Variants in CACNA1E observed in about 807,000 individuals in gnomAD.
CACNA1E encodes voltage-dependent R-type calcium channel subunit alpha-1E.
CACNA1E carries 40 observed loss-of-function variants against 259.2 expected under a neutral mutation model. The ratio of observed to expected loss-of-function variants is 0.15; its 90% CI spans 0.12 to 0.20. The LOEUF is 0.20. Ranked by LOEUF, CACNA1E falls within the 10% of genes least tolerant of loss-of-function variation. The pLI is 1.00. For synonymous variants in CACNA1E, 1,104 were observed against 1,138.5 expected, an observed-to-expected ratio of 0.97 and a Z score of 0.61; for missense variants, 1,874 against 3,040.1, an observed-to-expected ratio of 0.62 and a Z score of 9.02.
upstream of CACNA1E, among the ~76,000 whole-genome samples, chr1:181,480,010 C>T (rs192119408): frequency 5.3e-5 from 8 of 152,128 alleles, no homozygotes; most frequent in Admixed American, 2.6e-4. Context: ...TAGCCACTGG[C>T]GGGGCGCAAT....
intron 6 of CACNA1E, among the ~76,000 whole-genome samples, chr1:181,594,997 G>A (rs531580824): frequency 1.9e-4 from 29 of 152,266 alleles, no homozygotes; most frequent in African/African-American, 6.7e-4. Context: ...TTTTAAACAT[G>A]TTTTGACAGA....
intron 4 of CACNA1E, among the ~76,000 whole-genome samples, 166 bp from the exon 5 acceptor site, chr1:181,578,906 G>C (rs1443545016): frequency 6.6e-6 from 1 of 152,238 alleles, no homozygotes; most frequent in Non-Finnish European, 1.5e-5. Flanking sequence ...CAGCCTAGCA[G>C]AGCTGGGCCT....
At chr1:181,349,620 CG>C (rs1652878077) in intron 1 of CACNA1E, among the ~76,000 whole-genome samples, 1 of 151,940 alleles carries the variant, frequency 6.6e-6, no homozygotes, top group Admixed American at 6.6e-5. Flanking sequence ...AAGCAAGAGG[CG>C]GGGCTGGGCC....
At chr1:181,436,077 C>T (rs1660066758) in intron 2 of CACNA1E, among the ~76,000 whole-genome samples, 1 of 152,164 alleles carries the variant, frequency 6.6e-6, no homozygotes, top group South Asian at 2.1e-4. Flanking sequence ...AGACATTTCT[C>T]AAAAGAAGAC....
chr1:181,365,168 T>C (rs1404738637), intron 1 of CACNA1E, among the ~76,000 whole-genome samples: 1 of 152,160 alleles, frequency 6.6e-6, no homozygotes, highest in Non-Finnish European at 1.5e-5. Context: ...CTAGCTTTTT[T>C]TTATTTTTTA....
intron 1 of CACNA1E, among the ~76,000 whole-genome samples, chr1:181,335,021 C>T (rs1460840526): frequency 6.6e-6 from 1 of 152,222 alleles, no homozygotes; most frequent in Admixed American, 6.5e-5. Flanking sequence ...CACACTTCGC[C>T]TCTGGCCCTG....
chr1:181,391,943 C>G (rs971741500), intron 1 of CACNA1E, among the ~76,000 whole-genome samples: 4,765 of 124,734 alleles, frequency 0.038, 87 homozygotes, highest in African/African-American at 0.053. Context: ...CTCTCTCTCT[C>G]TCTGTGTGTG....
At chr1:181,380,494 C>G (rs1655387034) in intron 1 of CACNA1E, among the ~76,000 whole-genome samples, 2 of 152,150 alleles carry the variant, frequency 1.3e-5, no homozygotes, top group Admixed American at 1.3e-4. Flanking sequence ...AAGAAAACTG[C>G]AAATCAACAT....
chr1:181,407,185 A>G (rs1450389921), intron 1 of CACNA1E, among the ~76,000 whole-genome samples: 1 of 152,164 alleles, frequency 6.6e-6, no homozygotes, highest in Admixed American at 6.5e-5. Flanking sequence ...AGTCACCATA[A>G]CAACATAGGC....
rs143790407 is a variant in CACNA1E, at chr1:181,572,243, G to A, written c.513-5523G>A. Among the ~76,000 whole-genome samples the A allele has an allele frequency of 1.3e-3, 196 of 152,304 alleles. 1 individual carries two copies. Among genetic ancestry groups the A allele is most frequent in the African/African-American group, 4.5e-3 (185 of 41,572 alleles). Reference sequence around the variant, plus strand: ...TGCAAGGTTGGAGAATTCTTTGGGCGACTAACTTGGGGAGAGATGATTTGG... The same window carrying A: ...TGCAAGGTTGGAGAATTCTTTGGGCAACTAACTTGGGGAGAGATGATTTGG... On this transcript the variant is annotated intron_variant, in intron 3 of 47. Transcript: ENST00000367573.
chr1:181,571,443 T>G (rs1650401013), intron 3 of CACNA1E, among the ~76,000 whole-genome samples: 1 of 152,104 alleles, frequency 6.6e-6, no homozygotes. Context: ...GGCTGGAGAC[T>G]AAGAAGTGAA....
intron 2 of CACNA1E, among the ~76,000 whole-genome samples, chr1:181,471,938 AG>A (rs991987810): frequency 2.0e-5 from 3 of 152,148 alleles, no homozygotes; most frequent in African/African-American, 7.2e-5. Context: ...CACCTCATAA[AG>A]GTATCTGCAC....
rs890646023 is a variant in CACNA1E at position 181,798,901 on chromosome 1, C to T, written c.*67C>T. The T allele has an allele frequency of 1.2e-5, 17 of 1,382,402 alleles. No individual in the cohort carries two copies. The highest frequency in any genetic ancestry group is 1.4e-5 in the African/African-American group (1 of 69,542). The allele number at this position is 1,382,402 out of a possible 1,614,324, so 85.6% of individuals were successfully genotyped here. A position where few individuals can be genotyped will look rare whatever the true frequency, so the allele number is the denominator to read the frequency against. On this transcript the variant is annotated 3_prime_UTR_variant, in exon 48 of 48. Coordinates refer to ENST00000367573, the MANE Select transcript of CACNA1E (RefSeq NM_001205293.3). This position sits in a 1 kb window ranked among gnomAD's most constrained non-coding sequence, Gnocchi z 4.2. ...AGAAAACCAAGACAGAATTGGGAAG[C>T]CAGTGCGGCCCGGGGGGGAGGAAGA...
chr1:181,536,297 A>G (rs922970555), intron 3 of CACNA1E, among the ~76,000 whole-genome samples: 1 of 151,500 alleles, frequency 6.6e-6, no homozygotes, highest in Non-Finnish European at 1.5e-5. Context: ...TCTATTTTTA[A>G]TCTTTTCTTT....
At chr1:181,735,451 C>T (rs749375301) in intron 21 of CACNA1E, among the ~76,000 whole-genome samples, 1 of 152,162 alleles carries the variant, frequency 6.6e-6, no homozygotes, top group Non-Finnish European at 1.5e-5. Flanking sequence ...AGGGTGGAGT[C>T]ATTCAATGAG....
chr1:181,495,290 A>G (rs1350946092), intron 1 of CACNA1E, among the ~76,000 whole-genome samples: 3 of 152,246 alleles, frequency 2.0e-5, no homozygotes, highest in East Asian at 3.8e-4. Context: ...GTCGTTGTTA[A>G]AAATGACCTC....
chr1:181,589,976 A>G (rs777409170), intron 6 of CACNA1E, among the ~76,000 whole-genome samples: 1 of 152,140 alleles, frequency 6.6e-6, no homozygotes, highest in Non-Finnish European at 1.5e-5. Flanking sequence ...GTGGGAGGGA[A>G]GGGTTGGATG....
intron 6 of CACNA1E, among the ~76,000 whole-genome samples, chr1:181,639,840 T>A (rs1423950030): frequency 2.0e-5 from 3 of 151,048 alleles, no homozygotes; most frequent in Non-Finnish European, 3.0e-5. Flanking sequence ...AGCAGGAGAG[T>A]GAATAAGAGA....
intron 1 of CACNA1E, among the ~76,000 whole-genome samples, chr1:181,349,345 G>A (rs1652851883): frequency 6.6e-6 from 1 of 152,242 alleles, no homozygotes; most frequent in Non-Finnish European, 1.5e-5. Flanking sequence ...GTACTGGGCT[G>A]GGGAGACTTG....
Sources: allele counts gnomAD v4.1 joint callset (sites outside exome capture counted in the v4.1 genomes callset), GRCh38; gene constraint gnomAD v4.1.1; non-coding constraint Gnocchi (gnomAD v3.1); transcripts MANE v1.5; gene names NCBI Gene and HGNC (gene_info 2026-07-23, HGNC 2026-07-21).